ACVR1: variants seen among roughly 807,000 people sequenced by gnomAD.
ACVR1 encodes the protein activin receptor type-1.
A neutral mutation model predicts 57.1 loss-of-function variants in ACVR1; 38 were observed. The ratio of observed to expected loss-of-function variants is 0.67; its 90% confidence interval spans 0.51 to 0.87. The LOEUF (loss-of-function observed/expected upper bound fraction) is 0.87, where lower values mean the gene tolerates loss of function less well. Ranked by LOEUF, ACVR1 falls within the 40% of genes least tolerant of loss-of-function variation. The pLI is 0.00. For synonymous variants in ACVR1, 212 were observed against 228.1 expected (o/e 0.93, Z 0.63); for missense variants, 463 against 638.2 (o/e 0.73, Z 2.96).
chr2:157,790,663 T>C (rs1470285319), intron 3 of ACVR1, among the ~76,000 whole-genome samples: 1 of 152,224 alleles, frequency 6.6e-6, no homozygotes, highest in African/African-American at 2.4e-5. Context: ...AGGCTTTGTT[T>C]TTGTTTTGTT....
At position 157,805,820 on chromosome 2, in the gene ACVR1, C is replaced by T. The variant is rs12991153; in HGVS notation, c.-7-6320G>A. Among the ~76,000 whole-genome samples the T allele has an allele frequency of 4.2e-3, 126 of 30,076 alleles. 7 individuals carry two copies. Among genetic ancestry groups the T allele is most frequent in the Non-Finnish European group, 8.8e-3 (66 of 7,482 alleles). The allele number at this position is 30,076 out of a possible 152,430, so 19.7% of individuals were successfully genotyped here. ...TGTTTGGGTTTTTTTTTTCTTTTTT[C>T]TTTTTTTTTTTTTTTTTTTTTGAGA... On this transcript the variant is annotated intron_variant, in intron 2 of 10. Transcript: ENST00000434821.
chr2:157,789,310 T>C (rs558186269), intron 3 of ACVR1, among the ~76,000 whole-genome samples: 2 of 152,312 alleles, frequency 1.3e-5, no homozygotes, highest in East Asian at 3.9e-4. Flanking sequence ...GGCAAACCAT[T>C]CCCAGTTTCC....
At chr2:157,873,947 C>A (rs1468442088) in intron 1 of ACVR1, among the ~76,000 whole-genome samples, 1 of 152,210 alleles carries the variant, frequency 6.6e-6, no homozygotes, top group African/African-American at 2.4e-5. Flanking sequence ...AAATTCCTCA[C>A]AGATAACAAC....
intron 9 of ACVR1, among the ~76,000 whole-genome samples, chr2:157,755,171 G>T (rs888927932): frequency 6.6e-5 from 10 of 152,078 alleles, no homozygotes; most frequent in African/African-American, 2.4e-4. Flanking sequence ...CAGGGAAAAA[G>T]TTGAAAGCAT....
intron 1 of ACVR1, among the ~76,000 whole-genome samples, chr2:157,833,580 C>T (rs942350784): frequency 8.5e-5 from 13 of 152,220 alleles, no homozygotes; most frequent in South Asian, 4.1e-4. Context: ...GGAAATAAAA[C>T]GTTAGCAATT....
intron 1 of ACVR1, among the ~76,000 whole-genome samples, chr2:157,873,933 CT>C (rs1404225895): frequency 6.6e-6 from 1 of 152,196 alleles, no homozygotes; most frequent in Admixed American, 6.5e-5. Context: ...CTTAATATTC[CT>C]TTAAATTCCT....
At chr2:157,853,142 C>CTGT (rs1364602968) in intron 1 of ACVR1, among the ~76,000 whole-genome samples, 1 of 152,198 alleles carries the variant, frequency 6.6e-6, no homozygotes, top group Admixed American at 6.5e-5. Flanking sequence ...AATATCCTTC[C>CTGT]TGTTCCTAGT....
chr2:157,866,634 C>T (rs530481289), intron 1 of ACVR1, among the ~76,000 whole-genome samples: 38 of 152,226 alleles, frequency 2.5e-4, no homozygotes, highest in African/African-American at 9.1e-4. Context: ...ATCAGTTTTA[C>T]CTTAATAAGG....
chr2:157,874,018 T>C (rs1379905571), intron 1 of ACVR1, among the ~76,000 whole-genome samples: 1 of 152,186 alleles, frequency 6.6e-6, no homozygotes, highest in Non-Finnish European at 1.5e-5. Flanking sequence ...AAGACTACTA[T>C]CTAAATCAAG....
chr2:157,737,309 G>A lies in ACVR1; in HGVS notation c.*222C>T. On this transcript the variant is annotated 3_prime_UTR_variant, in exon 11 of 11. Coordinates refer to ENST00000434821, the MANE Select transcript of ACVR1 (RefSeq NM_001111067.4). The stretch of plus-strand genomic sequence containing the variant: ...TCTGTCCAACATTAGTCTCTGCAGT[G>A]TGAACAGTTCGTGAAATGCCCAGTT... The A allele has an allele frequency of 1.6e-6, 1 of 621,146 alleles. No homozygotes were observed. Among genetic ancestry groups the A allele is most frequent in the South Asian group, 1.8e-5 (1 of 55,078 alleles). 38.5% of individuals were successfully genotyped at this position (621,146 alleles called of 1,614,324 possible).
chr2:157,776,079 A>G (rs1168115051), intron 5 of ACVR1, among the ~76,000 whole-genome samples: 1 of 152,244 alleles, frequency 6.6e-6, no homozygotes, highest in Non-Finnish European at 1.5e-5. Context: ...TTGTTGAAAC[A>G]TACAAATGAG....
chr2:157,805,480 T>C (rs1469552258), intron 2 of ACVR1, among the ~76,000 whole-genome samples: 1 of 152,244 alleles, frequency 6.6e-6, no homozygotes, highest in African/African-American at 2.4e-5. Context: ...GCTCTCACTA[T>C]GATTCCATCA....
At chr2:157,747,851 C>T (rs1387139810) in intron 9 of ACVR1, among the ~76,000 whole-genome samples, 2 of 152,076 alleles carry the variant, frequency 1.3e-5, no homozygotes, top group East Asian at 3.9e-4. Flanking sequence ...TGCCAAAGGA[C>T]AGTGGCTGAT....
At position 157,758,746 on chromosome 2, in the gene ACVR1, C is replaced by T. The variant is rs1685525464; in HGVS notation, c.1264+2134G>A. 2.6e-5 allele frequency among the ~76,000 whole-genome samples: 4 copies of T among 151,912 alleles called. No homozygotes were observed. The South Asian group carries it at 8.3e-4, about 31-fold the overall frequency. On this transcript the variant is annotated intron_variant, in intron 9 of 10. Transcript: ENST00000434821. ...CATTTTATCCAACAGCTACAGACTA[C>T]ACATTATTCTCATCAGCACATGAAT...
At chr2:157,762,618 C>T (rs896073848) in intron 8 of ACVR1, among the ~76,000 whole-genome samples, 3 of 152,176 alleles carry the variant, frequency 2.0e-5, no homozygotes, top group Non-Finnish European at 1.5e-5. Flanking sequence ...GCCACCACTG[C>T]TAGGATCTCC....
At chr2:157,738,223 C>A (rs1256192071) in intron 10 of ACVR1, among the ~76,000 whole-genome samples, 6 of 152,190 alleles carry the variant, frequency 3.9e-5, no homozygotes, top group Non-Finnish European at 7.4e-5. Context: ...CAAATATTGT[C>A]ATTCACTAGC....
At chr2:157,799,175 C>T (rs1351810171) in intron 3 of ACVR1, among the ~76,000 whole-genome samples, 3 of 151,932 alleles carry the variant, frequency 2.0e-5, no homozygotes, top group Non-Finnish European at 2.9e-5. Context: ...GGATTACAGG[C>T]GTGAGGCACC....
chr2:157,751,493 G>A (rs975302969), intron 9 of ACVR1, among the ~76,000 whole-genome samples: 16 of 152,212 alleles, frequency 1.1e-4, no homozygotes, highest in Admixed American at 6.5e-5. Flanking sequence ...GTCCAGACTC[G>A]ACAGGTGGGA....
At chr2:157,807,860 G>GGGT (rs1553507168) in intron 2 of ACVR1, among the ~76,000 whole-genome samples, 1 of 96,522 alleles carries the variant, frequency 1.0e-5, no homozygotes, top group South Asian at 5.5e-4. Flanking sequence ...AATTTGGGGG[G>GGGT]GGGGGTGGGT....
Sources: gnomAD v4.1 joint callset for allele counts (sites outside exome capture counted in the v4.1 genomes callset) on GRCh38, gnomAD v4.1.1 for gene constraint, MANE v1.5 for transcripts, NCBI Gene and HGNC (gene_info 2026-07-23, HGNC 2026-07-21) for gene names.